The following MACROD2 variants were observed in gnomAD, a reference collection of about 807,000 sequenced individuals.
MACROD2 encodes mono-ADP ribosylhydrolase 2.
Under a neutral mutation model 70.4 loss-of-function variants are expected in MACROD2, and 36 were observed. That is an observed-to-expected ratio of 0.51 (90% confidence interval 0.39 to 0.68). The LOEUF is 0.68. MACROD2 is among the 30% of genes least tolerant of loss of function. The probability of loss-of-function intolerance (pLI) is 0.00; values close to 1 mark genes in which losing one functional copy is unlikely to be tolerated. For missense variants in MACROD2, 496 were observed against 538.4 expected (o/e 0.92, Z 0.78); for synonymous variants, 172 against 178.8 (o/e 0.96, Z 0.30).
intron 3 of MACROD2, among the ~76,000 whole-genome samples, chr20:14,378,041 A>G (rs2083388614): frequency 6.6e-6 from 1 of 152,206 alleles, no homozygotes; most frequent in Non-Finnish European, 1.5e-5. Context: ...CATAGCATAT[A>G]TAGTAGTGGT....
At chr20:15,595,607 A>G (rs1315268585) in intron 8 of MACROD2, among the ~76,000 whole-genome samples, 1 of 152,238 alleles carries the variant, frequency 6.6e-6, no homozygotes, top group Non-Finnish European at 1.5e-5. Context: ...GTTTTGAAAT[A>G]TATTTAATGA....
intron 5 of MACROD2, among the ~76,000 whole-genome samples, chr20:14,872,641 A>G (rs2073501903): frequency 1.3e-5 from 2 of 152,162 alleles, no homozygotes; most frequent in Non-Finnish European, 2.9e-5. Context: ...AGGATTTTAG[A>G]TTTGACACAA....
intron 13 of MACROD2, among the ~76,000 whole-genome samples, chr20:15,978,726 G>A (rs1405297923): frequency 6.6e-6 from 1 of 152,096 alleles, no homozygotes; most frequent in East Asian, 1.9e-4. Context: ...ATTTTAAAAG[G>A]CCTTTCTGCT....
intron 3 of MACROD2, among the ~76,000 whole-genome samples, chr20:14,397,024 T>C (rs1483770196): frequency 1.5e-5 from 2 of 132,832 alleles, no homozygotes; most frequent in East Asian, 2.5e-4. Context: ...AGATGGAGTC[T>C]CGCTCTGTCG....
chr20:14,332,910 A>C (rs572684716), intron 3 of MACROD2, among the ~76,000 whole-genome samples: 13 of 152,264 alleles, frequency 8.5e-5, no homozygotes, highest in African/African-American at 3.1e-4. Flanking sequence ...CCTTTGCAAC[A>C]ACAAACGGTA....
At chr20:15,814,984 A>G (rs990667648) in intron 8 of MACROD2, among the ~76,000 whole-genome samples, 2 of 96,978 alleles carry the variant, frequency 2.1e-5, no homozygotes, top group Non-Finnish European at 4.3e-5. Context: ...AGTGTTTGCA[A>G]CCATCTGGTT....
At chr20:14,366,732 G>A (rs1016608175) in intron 3 of MACROD2, among the ~76,000 whole-genome samples, 4 of 152,126 alleles carry the variant, frequency 2.6e-5, no homozygotes, top group Admixed American at 2.6e-4. Flanking sequence ...TTTTAGATAT[G>A]ACTTACATGG....
At chr20:15,359,138 A>G (rs1427969852) in intron 6 of MACROD2, among the ~76,000 whole-genome samples, 1 of 152,212 alleles carries the variant, frequency 6.6e-6, no homozygotes, top group Admixed American at 6.5e-5. Context: ...GAATTTAATT[A>G]AATTACATTT....
At chr20:14,098,897 G>C (rs932831675) in intron 3 of MACROD2, among the ~76,000 whole-genome samples, 1 of 152,078 alleles carries the variant, frequency 6.6e-6, no homozygotes, top group Admixed American at 6.6e-5. Flanking sequence ...TTTCTGTTGA[G>C]CAGTAATAGA....
chr20:14,292,228 A>G (rs2082392312), intron 3 of MACROD2, among the ~76,000 whole-genome samples: 1 of 151,928 alleles, frequency 6.6e-6, no homozygotes, highest in African/African-American at 2.4e-5. Context: ...TCATACAGCT[A>G]GAAGATGAAG....
intron 2 of MACROD2, among the ~76,000 whole-genome samples, chr20:14,021,232 G>T (rs139704096): frequency 1.3e-5 from 2 of 152,172 alleles, no homozygotes; most frequent in East Asian, 1.9e-4. Flanking sequence ...CTCGTGATCC[G>T]CCTACCTTCG....
rs763666710 is a variant in MACROD2 at position 15,021,121 on chromosome 20, CGTGTGTATACACATACGT to C, written c.419-208805_419-208788del. On this transcript the variant is annotated intron_variant, in intron 5 of 17. Transcript: ENST00000684519. ...GTGTATACACGTGTATGTGTATACA[CGTGTGTATACACATACGT>C]GTGTGTATACACACACCTGTGTGTA... is the stretch of plus-strand genomic sequence containing the variant. Among the ~76,000 whole-genome samples, 60 of 102,144 alleles carry C rather than the reference CGTGTGTATACACATACGT, an allele frequency of 5.9e-4. 3 individuals carry two copies. The highest frequency in any genetic ancestry group is 1.8e-3 in the East Asian group (7 of 3,870). 67.0% of individuals were successfully genotyped at this position (102,144 alleles called of 152,430 possible). A position where few individuals can be genotyped will look rare whatever the true frequency, so the allele number is the denominator to read the frequency against.
chr20:14,152,937 CA>C (rs1461672158), intron 3 of MACROD2, among the ~76,000 whole-genome samples: 1 of 152,152 alleles, frequency 6.6e-6, no homozygotes, highest in Non-Finnish European at 1.5e-5. Context: ...TCTGTGTTGA[CA>C]ACCTTTTAAT....
At chr20:15,309,185 T>A (rs2077727222) in intron 6 of MACROD2, among the ~76,000 whole-genome samples, 1 of 152,144 alleles carries the variant, frequency 6.6e-6, no homozygotes, top group East Asian at 1.9e-4. Context: ...TACAAACTCA[T>A]GTGTTCAACA....
intron 8 of MACROD2, among the ~76,000 whole-genome samples, chr20:15,592,081 A>G (rs2048688116): frequency 6.6e-6 from 1 of 152,206 alleles, no homozygotes; most frequent in Non-Finnish European, 1.5e-5. Context: ...TCTGAGGTTT[A>G]AAACCTGGCA....
intron 7 of MACROD2, among the ~76,000 whole-genome samples, chr20:15,478,408 A>G (rs1158346802): frequency 6.6e-6 from 1 of 152,162 alleles, no homozygotes; most frequent in Non-Finnish European, 1.5e-5. Context: ...ATAAAATAAG[A>G]TGCCATAGGC....
intron 5 of MACROD2, among the ~76,000 whole-genome samples, chr20:15,173,309 C>T (rs1197093308): frequency 6.6e-6 from 1 of 152,104 alleles, no homozygotes. Flanking sequence ...AGTGAGAACT[C>T]ACTCACTGTA....
intron 3 of MACROD2, among the ~76,000 whole-genome samples, chr20:14,312,922 A>G (rs1053280736): frequency 6.6e-6 from 1 of 152,198 alleles, no homozygotes; most frequent in African/African-American, 2.4e-5. Flanking sequence ...GTTTGAAAAC[A>G]CTCATACTTG....
intron 4 of MACROD2, among the ~76,000 whole-genome samples, chr20:14,594,041 A>G (rs1280792859): frequency 6.6e-6 from 1 of 152,226 alleles, no homozygotes; most frequent in Non-Finnish European, 1.5e-5. Context: ...AAACAGATAA[A>G]TAAATATACT....
Sources: allele counts gnomAD v4.1 joint callset (sites outside exome capture counted in the v4.1 genomes callset), GRCh38; gene constraint gnomAD v4.1.1; transcripts MANE v1.5; gene names NCBI Gene and HGNC (gene_info 2026-07-23, HGNC 2026-07-21).